SSX7: variants seen among roughly 807,000 people sequenced by gnomAD.
SSX7 encodes SSX family member 7.
A neutral mutation model predicts 14.7 loss-of-function variants in SSX7; 15 were observed. The observed-to-expected ratio is 1.02, with a 90% CI of 0.68 to 1.58. The LOEUF is 1.58. SSX7 is among the 40% of genes most tolerant of loss of function. The pLI is 0.00. For synonymous variants in SSX7, 46 were observed against 50.6 expected (o/e 0.91, Z 0.38); for missense variants, 178 against 146.8 (o/e 1.21, Z -1.10).
intron 4 of SSX7, 62 bp downstream of exon 4, chrX:52,652,190 A>T (rs1556767074): frequency 7.4e-6 from 7 of 940,572 alleles, no homozygotes; most frequent in Non-Finnish European, 1.1e-5. Flanking sequence ...TTTCCCAAGT[A>T]GCTGAGCTGA....
Position 52,652,936 on chromosome X carries a change from T to C in SSX7, c.118A>G (p.Met40Val). The C allele has an allele frequency of 1.1e-5, 13 of 1,204,108 alleles. No homozygotes were observed. The highest frequency in any genetic ancestry group is 1.5e-5 in the Non-Finnish European group (13 of 890,253). ...TAGCTGATTTTCTCCAAGGATTTCA[T>C]CTTTTCCCACTCTTTCTTAGAGAAG... ...KYFSKKEWEK[M>V]KSLEKISYVY... is the part of the protein sequence containing the mutation. Residue 40 changes from methionine (M) to valine (V), a missense_variant, in exon 3 of 8, where the codon ATG becomes GTG. Physicochemically the swap from Met to Val is conservative, Grantham distance 21. Coordinates refer to ENST00000298181, the MANE Select transcript of SSX7 (RefSeq NM_173358.2).
At chrX:52,654,214 C>T (rs1925527627) in intron 1 of SSX7, among the ~76,000 whole-genome samples, 1 of 109,189 alleles carries the variant, frequency 9.2e-6, no homozygotes. Flanking sequence ...CCAGCCTGGC[C>T]AACATACCGA....
chrX:52,645,369 T>C, intron 7 of SSX7, 70 bp downstream of exon 7: 1 of 1,207,664 alleles, frequency 8.3e-7, no homozygotes, highest in Non-Finnish European at 1.1e-6. Flanking sequence ...AAGTGACAGA[T>C]GGGATACCAG....
chrX:52,650,218 C>A lies in SSX7; in HGVS notation c.330+135G>T, dbSNP rs1925383268. On this transcript the variant is annotated intron_variant, in intron 5 of 7. Coordinates refer to ENST00000298181, the MANE Select transcript of SSX7 (RefSeq NM_173358.2). ...TGTTAGTATTATTAAGCTGTTGGTG[C>A]TACATCAGGTGTTGTGATAGACATG... 8.8e-6 allele frequency: 7 copies of A among 793,114 alleles called. No individual in the cohort carries two copies. In the South Asian group the frequency reaches 1.7e-4, roughly 19 times the overall value. 65.4% of individuals were successfully genotyped at this position (793,114 alleles called of 1,213,427 possible).
intron 4 of SSX7, among the ~76,000 whole-genome samples, chrX:52,651,053 T>C (rs142153780): frequency 8.9e-6 from 1 of 112,034 alleles, no homozygotes; most frequent in African/African-American, 3.2e-5. Flanking sequence ...GTGACCCCTT[T>C]ATATTCCCAA....
rs1925320645 is a variant in SSX7 at position 52,648,401 on chromosome X, A to G, written c.331-5T>C. 12 of 1,211,015 alleles carry G rather than the reference A, an allele frequency of 9.9e-6. No individual in the cohort carries two copies. Among genetic ancestry groups the G allele is most frequent in the Middle Eastern group, 4.6e-4 (2 of 4,347 alleles). On this transcript the variant is annotated splice_region_variant and splice_polypyrimidine_tract_variant and intron_variant, in intron 5 of 7. Transcript: ENST00000298181. Reference sequence around the variant, plus strand: ...TGCTGGCTTCTTGGGCATGATCTTTATAATGTGAAGGTCACAGATAAACAG... The same window carrying G: ...TGCTGGCTTCTTGGGCATGATCTTTGTAATGTGAAGGTCACAGATAAACAG...
In SSX7 at chrX:52,646,556, T is replaced by G. The variant is rs782639585; in HGVS notation, c.467-1013A>C. ...TTTTTTAAAATGTACAATTAAGTTATTATTGACAATAATCACCCTGTTCTG... is the reference window on the plus strand; with the variant it reads ...TTTTTTAAAATGTACAATTAAGTTAGTATTGACAATAATCACCCTGTTCTG... On this transcript the variant is annotated intron_variant, in intron 6 of 7. Coordinates refer to ENST00000298181, the MANE Select transcript of SSX7 (RefSeq NM_173358.2). Among the ~76,000 whole-genome samples, 62 of 112,155 alleles carry G rather than the reference T, an allele frequency of 5.5e-4. No individual in the cohort carries two copies. The South Asian group carries it at 0.022, about 39-fold the overall frequency.
chrX:52,652,495 C>A (rs1280617885), intron 3 of SSX7, 148 bp from the exon 4 acceptor site: 7 of 465,312 alleles, frequency 1.5e-5, no homozygotes, highest in Non-Finnish European at 2.3e-5. Flanking sequence ...TATGACTGCA[C>A]TACTGCAAAC....
At chrX:52,650,944 T>G (rs1376576550) in intron 4 of SSX7, among the ~76,000 whole-genome samples, 2 of 112,162 alleles carry the variant, frequency 1.8e-5, no homozygotes, top group Admixed American at 9.5e-5. Flanking sequence ...AATCTGGCCT[T>G]TTTAGTTGGG....
chrX:52,650,272 T>G (rs1285055298), intron 5 of SSX7, 81 bp downstream of exon 5: 46 of 1,132,858 alleles, frequency 4.1e-5, no homozygotes, highest in Middle Eastern at 2.4e-4. Flanking sequence ...GGGCATTTTT[T>G]ATATTCTCCC....
At chrX:52,644,924 C>G (rs1335932471) in intron 7 of SSX7, among the ~76,000 whole-genome samples, 2 of 111,247 alleles carry the variant, frequency 1.8e-5, no homozygotes, top group Non-Finnish European at 3.8e-5. Context: ...TTCGGGAACC[C>G]ACAGCATCCT....
In SSX7 at chrX:52,650,245, G is replaced by A. The variant is rs1455851405; in HGVS notation, c.330+108C>T. On this transcript the variant is annotated intron_variant, in intron 5 of 7. Transcript: ENST00000298181. ...ACATCAGGTGTTGTGATAGACATGG[G>A]GAGAAGGAGGCAGTGAGGGCATTTT... 5.1e-6 allele frequency: 5 copies of A among 971,799 alleles called. No individual in the cohort carries two copies. The African/African-American group carries it at 9.6e-5, about 19-fold the overall frequency. The allele number at this position is 971,799 out of a possible 1,213,427, so 80.1% of individuals were successfully genotyped here.
Position 52,644,437 on chromosome X carries a change from C to A in SSX7, c.*238G>T. ...AAATACACATTAAGCATGTCTTGCT[C>A]ATCAATGAAAACGCTAATATCTAAC... is the stretch of plus-strand genomic sequence containing the variant. On this transcript the variant is annotated 3_prime_UTR_variant, in exon 8 of 8. Transcript: ENST00000298181. 2 of 472,289 alleles carry A rather than the reference C, an allele frequency of 4.2e-6. No homozygotes were observed. The highest frequency in any genetic ancestry group is 5.7e-5 in the African/African-American group (2 of 35,068). The allele number at this position is 472,289 out of a possible 1,213,427, so 38.9% of individuals were successfully genotyped here. A position where few individuals can be genotyped will look rare whatever the true frequency, so the allele number is the denominator to read the frequency against.
At position 52,650,363 on chromosome X, in the gene SSX7, A is replaced by T; in HGVS notation, c.320T>A (p.Ile107Asn). The change falls in exon 5 of 8, where the codon ATC becomes AAC. Residue 107 changes from isoleucine (I) to asparagine (N), a missense_variant. Transcript: ENST00000298181. ...PQMTFCRLQR[I>N]FPKIMPKKPA... ...CTGAGAGACACTCACCTTCGGGAAG[A>T]TTCTCTGGAGCCTGCAAAAAGTCAT... 1 of 1,210,602 alleles carries T rather than the reference A, an allele frequency of 8.3e-7. No individual in the cohort carries two copies. The highest frequency in any genetic ancestry group is 1.1e-6 in the Non-Finnish European group (1 of 894,538).
intron 5 of SSX7, among the ~76,000 whole-genome samples, chrX:52,648,790 A>G (rs1277173422): frequency 8.9e-6 from 1 of 112,008 alleles, no homozygotes; most frequent in Admixed American, 9.5e-5. Flanking sequence ...GAGTAAATGT[A>G]AAAACATAGA....
intron 6 of SSX7, among the ~76,000 whole-genome samples, 171 bp from the exon 7 acceptor site, chrX:52,645,714 T>C (rs1314213126): frequency 1.1e-4 from 12 of 110,670 alleles, no homozygotes; most frequent in African/African-American, 3.9e-4. Context: ...CCCACACCAA[T>C]ACAGGCCAAA....
Position 52,644,666 on chromosome X carries a change from C to G in SSX7, c.*9G>C. On this transcript the variant is annotated 3_prime_UTR_variant, in exon 8 of 8. Coordinates refer to ENST00000298181, the MANE Select transcript of SSX7 (RefSeq NM_173358.2). ...TCATCATGGGCATATGTCGTATCCC[C>G]GAGGCTGAGGCAAGAAGAGAGAAGG... 1.7e-6 allele frequency: 2 copies of G among 1,196,156 alleles called. No individual in the cohort carries two copies. Among genetic ancestry groups the G allele is most frequent in the Middle Eastern group, 3.2e-4 (1 of 3,105 alleles).
chrX:52,646,025 C>A (rs1463470497), intron 6 of SSX7, among the ~76,000 whole-genome samples: 3 of 110,110 alleles, frequency 2.7e-5, no homozygotes, highest in Non-Finnish European at 5.7e-5. Flanking sequence ...GTTTTTTAGT[C>A]TTTTAAAATA....
chrX:52,644,800 C>T (rs1267866505), intron 7 of SSX7, 130 bp from the exon 8 acceptor site: 10 of 745,020 alleles, frequency 1.3e-5, no homozygotes, highest in African/African-American at 2.1e-5. Flanking sequence ...CTGCACACGC[C>T]TTCCATGGTT....
Sources: allele counts gnomAD v4.1 joint callset (sites outside exome capture counted in the v4.1 genomes callset), GRCh38; gene constraint gnomAD v4.1.1; transcripts MANE v1.5; gene names NCBI Gene and HGNC (gene_info 2026-07-23, HGNC 2026-07-21).